Variants in MRPL48 observed in about 807,000 individuals in gnomAD.
The protein encoded by MRPL48 is mitochondrial ribosomal protein L48.
Under a neutral mutation model 32.9 loss-of-function variants are expected in MRPL48, and 16 were observed. The ratio of observed to expected loss-of-function variants is 0.49; its 90% confidence interval spans 0.33 to 0.74. MRPL48 has a LOEUF of 0.74. Among genes scored for constraint, MRPL48 ranks in the 30% least tolerant of loss-of-function variants. The pLI is 0.02. For missense variants in MRPL48, 206 were observed against 245.3 expected (o/e 0.84, Z 1.07); for synonymous variants, 94 against 89.2 (o/e 1.05, Z -0.31).
rs113432463 is a variant in MRPL48, at chr11:73,798,994, CAAAAAA to C, written c.22-6024_22-6019del. On this transcript the variant is annotated intron_variant, in intron 1 of 7. Coordinates refer to ENST00000310614, the MANE Select transcript of MRPL48 (RefSeq NM_016055.6). ...CAACAGTGCAAGACTCCCTCTCAAG[CAAAAAA>C]AAAAAAAAGAAAGAAAAGAAAGGAA... 7.0e-5 allele frequency among the ~76,000 whole-genome samples: 9 copies of C among 128,448 alleles called. No homozygotes were observed. The East Asian group carries it at 1.6e-3, about 23-fold the overall frequency. The allele number at this position is 128,448 out of a possible 152,430, so 84.3% of individuals were successfully genotyped here.
At chr11:73,863,292 T>C in intron 7 of MRPL48, 31 bp downstream of exon 7, 1 of 1,512,506 alleles carries the variant, frequency 6.6e-7, no homozygotes, top group Non-Finnish European at 9.0e-7. Context: ...AGGCCCCTGC[T>C]GGCCTGCATA....
rs76303272 is a variant in MRPL48, at chr11:73,828,164, T to A, written c.201+2368T>A. ...ACGATGCTGTGCAATATTTATTGAA[T>A]ATCTATTATGTGCTAGGAACTCTTG... On this transcript the variant is annotated intron_variant, in intron 4 of 7. Transcript: ENST00000310614. 2.4e-4 allele frequency among the ~76,000 whole-genome samples: 37 copies of A among 152,254 alleles called. No individual in the cohort carries two copies. In the East Asian group the frequency reaches 7.0e-3, roughly 29 times the overall value.
At chr11:73,859,737 T>C (rs1718832648) in intron 5 of MRPL48, among the ~76,000 whole-genome samples, 170 bp from the exon 6 acceptor site, 1 of 152,162 alleles carries the variant, frequency 6.6e-6, no homozygotes, top group Non-Finnish European at 1.5e-5. Flanking sequence ...CTTAGGGAGT[T>C]TTGAAGCAGG....
chr11:73,794,848 G>A (rs1273740989), intron 1 of MRPL48, among the ~76,000 whole-genome samples: 3 of 147,590 alleles, frequency 2.0e-5, no homozygotes, highest in Non-Finnish European at 3.0e-5. Context: ...GGGTTCAAGC[G>A]ATTCTCCTGC....
chr11:73,845,963 G>GA, intron 5 of MRPL48, among the ~76,000 whole-genome samples: 1 of 150,846 alleles, frequency 6.6e-6, no homozygotes, highest in Middle Eastern at 3.5e-3. Context: ...AGCTACTTGC[G>GA]AGGCTGAGGC....
intron 4 of MRPL48, among the ~76,000 whole-genome samples, chr11:73,837,356 T>G (rs1948121400): frequency 6.6e-6 from 1 of 152,156 alleles, no homozygotes; most frequent in Non-Finnish European, 1.5e-5. Context: ...ACAAGCCATT[T>G]TCCTTTTCTG....
intron 4 of MRPL48, among the ~76,000 whole-genome samples, chr11:73,839,033 G>A (rs1209264978): frequency 2.6e-5 from 4 of 152,190 alleles, no homozygotes; most frequent in African/African-American, 9.7e-5. Flanking sequence ...GGAATATAAA[G>A]TGAAAATAAT....
intron 4 of MRPL48, among the ~76,000 whole-genome samples, chr11:73,836,494 C>T (rs768362834): frequency 6.6e-6 from 1 of 152,260 alleles, no homozygotes; most frequent in Non-Finnish European, 1.5e-5. Flanking sequence ...CCACCGTGCC[C>T]TTCCAAAAAT....
chr11:73,836,172 G>A (rs138878607), intron 4 of MRPL48, among the ~76,000 whole-genome samples: 2,021 of 151,974 alleles, frequency 0.013, 40 homozygotes, highest in African/African-American at 0.047. Flanking sequence ...AGGATGGAGT[G>A]CAGTGGCACC....
intron 1 of MRPL48, chr11:73,802,061 G>T (rs1000642207): frequency 5.9e-5 from 9 of 152,110 alleles, no homozygotes; most frequent in Non-Finnish European, 1.2e-4. Context: ...ATATATCCTT[G>T]CTTATATGCA....
chr11:73,832,306 G>T (rs750221271), intron 4 of MRPL48: 1 of 152,156 alleles, frequency 6.6e-6, no homozygotes, highest in African/African-American at 2.4e-5. Flanking sequence ...TAGAAAGGAG[G>T]TATCTGCCAT....
intron 4 of MRPL48, among the ~76,000 whole-genome samples, chr11:73,829,037 C>T (rs1947948487): frequency 6.6e-6 from 1 of 152,120 alleles, no homozygotes; most frequent in Admixed American, 6.6e-5. Context: ...CTGCATATGT[C>T]ATGCTCTGAC....
chr11:73,811,822 A>AT (rs1198175010), intron 3 of MRPL48, among the ~76,000 whole-genome samples: 2 of 152,230 alleles, frequency 1.3e-5, no homozygotes, highest in African/African-American at 2.4e-5. Flanking sequence ...AAATGGATGC[A>AT]TATGGGAAGA....
At chr11:73,808,824 G>A (rs775959499) in intron 3 of MRPL48, among the ~76,000 whole-genome samples, 1 of 152,080 alleles carries the variant, frequency 6.6e-6, no homozygotes, top group East Asian at 1.9e-4. Flanking sequence ...TCGGGAGGCC[G>A]AAGCAGGAGA....
At chr11:73,844,658 A>G in intron 4 of MRPL48, 149 bp from the exon 5 acceptor site, 1 of 814,100 alleles carries the variant, frequency 1.2e-6, no homozygotes, top group East Asian at 2.7e-5. Flanking sequence ...TTTCCTTCCC[A>G]GGAGAACTTC....
chr11:73,835,488 T>C (rs1948083684), intron 4 of MRPL48, among the ~76,000 whole-genome samples: 1 of 152,240 alleles, frequency 6.6e-6, no homozygotes, highest in African/African-American at 2.4e-5. Context: ...CTGCAGTTGC[T>C]TAATACATTC....
chr11:73,826,781 T>C (rs1460645124), intron 4 of MRPL48, among the ~76,000 whole-genome samples: 1 of 149,750 alleles, frequency 6.7e-6, no homozygotes, highest in Admixed American at 6.6e-5. Context: ...TTTCTTTTTT[T>C]TTTTTTTTTT....
At chr11:73,853,978 C>T (rs1197209183) in intron 5 of MRPL48, among the ~76,000 whole-genome samples, 1 of 152,094 alleles carries the variant, frequency 6.6e-6, no homozygotes, top group Non-Finnish European at 1.5e-5. Flanking sequence ...GCGTGAGCCA[C>T]CGCGCTCGGC....
intron 6 of MRPL48, among the ~76,000 whole-genome samples, chr11:73,861,254 G>A (rs1252889587): frequency 2.0e-5 from 3 of 152,128 alleles, no homozygotes; most frequent in Non-Finnish European, 4.4e-5. Flanking sequence ...GAAGCCCATA[G>A]AATAGTTTGA....
Sources: gnomAD v4.1 joint callset for allele counts (sites outside exome capture counted in the v4.1 genomes callset) on GRCh38, gnomAD v4.1.1 for gene constraint, MANE v1.5 for transcripts, NCBI Gene and HGNC (gene_info 2026-07-23, HGNC 2026-07-21) for gene names.